TAFA2: variants seen among roughly 807,000 people sequenced by gnomAD.
TAFA2 encodes TAFA chemokine like family member 2, also known as chemokine-like protein TAFA-2.
In TAFA2, 7 loss-of-function variants were observed where a neutral mutation model predicts 18.8. That is an observed-to-expected ratio of 0.37 (90% CI 0.21 to 0.70). The LOEUF (loss-of-function observed/expected upper bound fraction) is 0.70. Ranked by LOEUF, TAFA2 falls within the 30% of genes least tolerant of loss-of-function variation. The pLI is 0.53. For missense variants in TAFA2, 122 were observed against 158.1 expected, an observed-to-expected ratio of 0.77 and a Z score of 1.23; for synonymous variants, 60 against 54.2, an observed-to-expected ratio of 1.11 and a Z score of -0.47.
At chr12:61,827,065 A>G (rs1169846932) in intron 2 of TAFA2, 1 of 152,020 alleles carries the variant, frequency 6.6e-6, no homozygotes, top group Non-Finnish European at 1.5e-5. Context: ...TTCCTTTGCA[A>G]TTGCAGGTAG....
intron 2 of TAFA2, among the ~76,000 whole-genome samples, chr12:61,833,402 A>G (rs769166482): frequency 6.6e-6 from 1 of 151,928 alleles, no homozygotes; most frequent in Non-Finnish European, 1.5e-5. Flanking sequence ...TCACTTATAG[A>G]GTAGCCCCAA....
At chr12:61,876,855 T>A (rs1467070402) in intron 1 of TAFA2, among the ~76,000 whole-genome samples, 1 of 152,152 alleles carries the variant, frequency 6.6e-6, no homozygotes, top group East Asian at 1.9e-4. Context: ...TAAGCAAAAT[T>A]TTTGGACAAT....
rs3031045 is a variant in TAFA2 at position 62,063,855 on chromosome 12, G to GACACACACACAC, written c.-2+127392_-2+127403dup. Among the ~76,000 whole-genome samples, 605 of 148,020 alleles carry GACACACACACAC rather than the reference G, an allele frequency of 4.1e-3. 5 individuals carry two copies. The highest frequency in any genetic ancestry group is 0.024 in the Middle Eastern group (7 of 290). Reference sequence around the variant, plus strand: ...GGTTTTTGCTATGTAAGGGTGGCTGGACACACACACACACACACACACACA... The same window carrying GACACACACACAC: ...GGTTTTTGCTATGTAAGGGTGGCTGGACACACACACACACACACACACACACACACACACACA... On this transcript the variant is annotated intron_variant, in intron 1 of 4. Transcript: ENST00000416284.
intron 2 of TAFA2, among the ~76,000 whole-genome samples, chr12:61,792,627 T>A (rs1003959630): frequency 6.6e-6 from 1 of 151,448 alleles, no homozygotes; most frequent in Non-Finnish European, 1.5e-5. Flanking sequence ...CATAGAAAAC[T>A]GATGTGAGTA....
At chr12:62,219,707 T>C (rs2062752527) in intron 1 of TAFA2, among the ~76,000 whole-genome samples, 1 of 152,164 alleles carries the variant, frequency 6.6e-6, no homozygotes, top group South Asian at 2.1e-4. Flanking sequence ...CTAACTGCTT[T>C]TAATATAAAT....
chr12:62,075,348 TGCTAA>T (rs1882734123), intron 1 of TAFA2, among the ~76,000 whole-genome samples: 1 of 152,186 alleles, frequency 6.6e-6, no homozygotes, highest in Admixed American at 6.6e-5. Context: ...AGGACACAGA[TGCTAA>T]GCTAGAGGGC....
At chr12:61,730,609 G>A (rs1870396161) in intron 4 of TAFA2, among the ~76,000 whole-genome samples, 1 of 152,014 alleles carries the variant, frequency 6.6e-6, no homozygotes, top group African/African-American at 2.4e-5. Flanking sequence ...GTATGGGGAT[G>A]TGGTTCTCAG....
intron 2 of TAFA2, among the ~76,000 whole-genome samples, chr12:61,787,088 G>A (rs553731988): frequency 2.0e-5 from 3 of 151,268 alleles, no homozygotes; most frequent in East Asian, 2.0e-4. Flanking sequence ...TGAAACAGCA[G>A]AACCCAACTA....
intron 1 of TAFA2, among the ~76,000 whole-genome samples, chr12:62,103,975 T>A (rs1364828373): frequency 6.6e-6 from 1 of 152,152 alleles, no homozygotes; most frequent in Non-Finnish European, 1.5e-5. Context: ...TAAAGTAACA[T>A]CAAGACCTAT....
intron 1 of TAFA2, among the ~76,000 whole-genome samples, chr12:62,046,990 G>A (rs1401779081): frequency 6.6e-6 from 1 of 151,872 alleles, no homozygotes; most frequent in Non-Finnish European, 1.5e-5. Flanking sequence ...ACAGATTAAA[G>A]TATAAGTTTA....
At chr12:61,823,381 A>G (rs1872402033) in intron 2 of TAFA2, among the ~76,000 whole-genome samples, 1 of 152,110 alleles carries the variant, frequency 6.6e-6, no homozygotes, top group African/African-American at 2.4e-5. Flanking sequence ...TTGTAAAAAA[A>G]AATTCCAAAA....
At chr12:62,126,033 G>A (rs1465016919) in intron 1 of TAFA2, among the ~76,000 whole-genome samples, 2 of 152,044 alleles carry the variant, frequency 1.3e-5, no homozygotes, top group Admixed American at 1.3e-4. Flanking sequence ...CTGGTTGTCT[G>A]TGGGCCACTT....
At chr12:62,044,911 C>A (rs1374212645) in intron 1 of TAFA2, among the ~76,000 whole-genome samples, 1 of 152,116 alleles carries the variant, frequency 6.6e-6, no homozygotes, top group Non-Finnish European at 1.5e-5. Context: ...TTCTGCTTCC[C>A]CTAAAATTTG....
In TAFA2 at chr12:62,085,395, T is replaced by C. The variant is rs115647848; in HGVS notation, c.-2+105864A>G. 3.4e-3 allele frequency among the ~76,000 whole-genome samples: 516 copies of C among 152,254 alleles called. 3 individuals carry two copies. The highest frequency in any genetic ancestry group is 0.012 in the African/African-American group (488 of 41,554). ...ACAATGCTTCTAGGAGTATAACTTG[T>C]AGACCACGTGTTTACAAAAGAAGCA... On this transcript the variant is annotated intron_variant, in intron 1 of 4. Transcript: ENST00000416284.
At chr12:62,041,393 G>A (rs1365739009) in intron 1 of TAFA2, among the ~76,000 whole-genome samples, 1 of 152,132 alleles carries the variant, frequency 6.6e-6, no homozygotes, top group Non-Finnish European at 1.5e-5. Flanking sequence ...CATGAAAAAA[G>A]TTATTAAAGT....
chr12:62,185,838 G>T (rs1337937738), intron 1 of TAFA2, among the ~76,000 whole-genome samples: 1 of 152,148 alleles, frequency 6.6e-6, no homozygotes, highest in African/African-American at 2.4e-5. Context: ...CCCTCTCAAA[G>T]AATATATTTT....
intron 2 of TAFA2, among the ~76,000 whole-genome samples, chr12:61,794,814 T>G (rs1565636251): frequency 6.6e-6 from 1 of 151,914 alleles, no homozygotes; most frequent in Non-Finnish European, 1.5e-5. Flanking sequence ...GGGAAAAAAT[T>G]TTTGCAATCT....
chr12:61,904,264 G>C (rs2121324994), intron 1 of TAFA2, among the ~76,000 whole-genome samples: 1 of 152,190 alleles, frequency 6.6e-6, no homozygotes, highest in South Asian at 2.1e-4. Context: ...CTCCAGTATG[G>C]AATCTGGACA....
chr12:61,757,516 A>T (rs1869331122), intron 2 of TAFA2, among the ~76,000 whole-genome samples: 1 of 151,964 alleles, frequency 6.6e-6, no homozygotes, highest in Admixed American at 6.6e-5. Flanking sequence ...AGCTTAGGGG[A>T]GATATTTGGG....
Sources: gnomAD v4.1 joint callset for allele counts (sites outside exome capture counted in the v4.1 genomes callset) on GRCh38, gnomAD v4.1.1 for gene constraint, MANE v1.5 for transcripts, NCBI Gene and HGNC (gene_info 2026-07-23, HGNC 2026-07-21) for gene names.